GAMT: variants seen among roughly 807,000 people sequenced by gnomAD.
GAMT encodes epididymis secretory protein Li 20.
In GAMT, 26 loss-of-function variants were observed where a neutral mutation model predicts 26.9. That is an observed-to-expected ratio of 0.97 (90% CI 0.71 to 1.34). The LOEUF (loss-of-function observed/expected upper bound fraction) is 1.34, where lower values mean the gene tolerates loss of function less well. Among genes scored for constraint, GAMT ranks in the 40% most tolerant of loss-of-function variants. The pLI, the probability that GAMT is intolerant of heterozygous loss-of-function variation, is 0.00. For missense variants in GAMT, 412 were observed against 345.0 expected (o/e 1.19, Z -1.54); for synonymous variants, 169 against 149.6 (o/e 1.13, Z -0.95).
chr19:1,398,921 A>G lies in GAMT; in HGVS notation c.565T>C (p.Phe189Leu). Residue 189 changes from phenylalanine to leucine, a missense_variant, in exon 5 of 6, where the codon TTT becomes CTT. Phe to Leu is a conservative substitution (Grantham distance 22). Coordinates refer to ENST00000252288, the MANE Select transcript of GAMT (RefSeq NM_000156.6). ...KSKYSDITIM[F>L]EETQVPALLE... The stretch of plus-strand genomic sequence containing the variant: ...GGAACTTCAGGTGGGCGCACCTCAA[A>G]CATGATGGTGATGTCTGAGTACTTG... 1.2e-6 allele frequency: 2 copies of G among 1,613,324 alleles called. No homozygotes were observed. Among genetic ancestry groups the G allele is most frequent in the Non-Finnish European group, 1.7e-6 (2 of 1,180,014 alleles).
intron 5 of GAMT, among the ~76,000 whole-genome samples, 158 bp from the exon 6 acceptor site, chr19:1,397,657 G>A (rs777678657): frequency 1.1e-4 from 17 of 152,338 alleles, no homozygotes; most frequent in Non-Finnish European, 2.4e-4. Context: ...AAGCCCAGGT[G>A]TGAACGGGAA....
At position 1,399,898 on chromosome 19, in the gene GAMT, T is replaced by C. The variant is rs1178693014; in HGVS notation, c.222A>G (p.Ala74=). 2 of 1,608,786 alleles carry C rather than the reference T, an allele frequency of 1.2e-6. No homozygotes were observed. Among genetic ancestry groups the C allele is most frequent in the Admixed American group, 3.4e-5 (2 of 59,564 alleles). The change falls in exon 2 of 6, where the codon GCA becomes GCG. Residue 74 remains alanine (A), a synonymous_variant. Coordinates refer to ENST00000252288, the MANE Select transcript of GAMT (RefSeq NM_000156.6). The surrounding 1 kb of genome is among the most constrained non-coding windows in gnomAD (Gnocchi z 6.2). ...TGGGCGCCTCCTGCACCTTTGACGCTGCGATGGCCATGCCAAAGCCCACCT... is the reference window on the plus strand; with the variant it reads ...TGGGCGCCTCCTGCACCTTTGACGCCGCGATGGCCATGCCAAAGCCCACCT... ...VLEVGFGMAI[A]ASKVQEAPID...
chr19:1,397,546 C>G, intron 5 of GAMT, 47 bp from the exon 6 acceptor site: 1 of 1,595,840 alleles, frequency 6.3e-7, no homozygotes, highest in Admixed American at 1.7e-5. Context: ...ATGGGGGTCA[C>G]GTGCACCCTG....
chr19:1,397,118 G>C lies in GAMT; in HGVS notation c.*241C>G. 3.7e-6 allele frequency: 2 copies of C among 544,822 alleles called. No homozygotes were observed. Among genetic ancestry groups the C allele is most frequent in the South Asian group, 4.9e-5 (2 of 40,928 alleles). 33.7% of individuals were successfully genotyped at this position (544,822 alleles called of 1,614,324 possible). ...TGCCGACTGGCCAAGCCCAGCGCCG[G>C]CGTTTACTTCACCTCAGGGACCCTG... On this transcript the variant is annotated 3_prime_UTR_variant, in exon 6 of 6. Coordinates refer to ENST00000252288, the MANE Select transcript of GAMT (RefSeq NM_000156.6).
intron 1 of GAMT, among the ~76,000 whole-genome samples, chr19:1,400,850 C>A (rs2082629703): frequency 6.6e-6 from 1 of 152,218 alleles, no homozygotes; most frequent in South Asian, 2.1e-4. Flanking sequence ...CCAGGGCCAC[C>A]CCGGGGACAG....
At position 1,397,281 on chromosome 19, in the gene GAMT, G is replaced by A; in HGVS notation, c.*78C>T. On this transcript the variant is annotated 3_prime_UTR_variant, in exon 6 of 6. Transcript: ENST00000252288. ...GTGACACACAGCTGGGATCAGCCCA[G>A]GGCTGGTGCGACACCCTGGACTCCC... The A allele has an allele frequency of 6.6e-7, 1 of 1,510,024 alleles. No individual in the cohort carries two copies. Among genetic ancestry groups the A allele is most frequent in the Non-Finnish European group, 8.9e-7 (1 of 1,118,870 alleles). The allele number at this position is 1,510,024 out of a possible 1,614,324, so 93.5% of individuals were successfully genotyped here. A position where few individuals can be genotyped will look rare whatever the true frequency, so the allele number is the denominator to read the frequency against.
rs767887772 is a variant in GAMT, at chr19:1,397,447, C to T, written c.623G>A (p.Arg208His). 42 of 1,610,162 alleles carry T rather than the reference C, an allele frequency of 2.6e-5. No individual in the cohort carries two copies. The highest frequency in any genetic ancestry group is 1.1e-4 in the East Asian group (5 of 44,894). ...LEAGFRRENI[R>H]TEVMALVPPA... is the part of the protein sequence containing the mutation. ...TGGGACCAGCGCCATCACCTCCGTA[C>T]GGATGTTCTCCCTCCGGAAGCCGGC... The change falls in exon 6 of 6, where the codon CGT becomes CAT. Residue 208 changes from arginine (R) to histidine (H), a missense_variant. By Grantham distance (29) the Arg-to-His change is conservative. Coordinates refer to ENST00000252288, the MANE Select transcript of GAMT (RefSeq NM_000156.6).
chr19:1,397,242 C>T lies in GAMT; in HGVS notation c.*117G>A, dbSNP rs1285887474. On this transcript the variant is annotated 3_prime_UTR_variant, in exon 6 of 6. Transcript: ENST00000252288. Reference sequence around the variant, plus strand: ...CTGGTGGGACCCCTCACAGAGAAGCCGGGAAAGCTTCTGGTGACACACAGC... The same window carrying T: ...CTGGTGGGACCCCTCACAGAGAAGCTGGGAAAGCTTCTGGTGACACACAGC... 1.7e-5 allele frequency: 22 copies of T among 1,272,590 alleles called. No homozygotes were observed. Among genetic ancestry groups the T allele is most frequent in the Admixed American group, 4.1e-5 (2 of 48,614 alleles). 78.8% of individuals were successfully genotyped at this position (1,272,590 alleles called of 1,614,324 possible).
At position 1,397,599 on chromosome 19, in the gene GAMT, C is replaced by G. The variant is rs756114965; in HGVS notation, c.571-100G>C. ...AAGAGTGTTTACAGATGGCAAGGCC[C>G]GGGTGGGCGGCTGCAGCTCCCGTGG... On this transcript the variant is annotated intron_variant, in intron 5 of 5. Transcript: ENST00000252288. 13 of 1,543,034 alleles carry G rather than the reference C, an allele frequency of 8.4e-6. No individual in the cohort carries two copies. In the Middle Eastern group the frequency reaches 1.4e-3, roughly 164 times the overall value.
rs770321207 is a variant in GAMT, at chr19:1,397,360, C to G, written c.710G>C (p.Ter237SerextTer43). The G allele has an allele frequency of 4.3e-6, 7 of 1,610,504 alleles. No homozygotes were observed. Among genetic ancestry groups the G allele is most frequent in the Non-Finnish European group, 4.2e-6 (5 of 1,179,330 alleles). The change falls in exon 6 of 6, where the codon TGA (stop) becomes TCA (serine). Residue 237 changes from the stop codon to serine (S), a stop_lost. Coordinates refer to ENST00000252288, the MANE Select transcript of GAMT (RefSeq NM_000156.6). ...GTGTGGCCGGGCCGGGGTGGGGGCTCAGCCTTTGGTCACCAGGGGCGTGAT... is the reference window on the plus strand; with the variant it reads ...GTGTGGCCGGGCCGGGGTGGGGGCTGAGCCTTTGGTCACCAGGGGCGTGAT... ...QMITPLVTKG[*>S] is the part of the protein sequence containing the mutation.
chr19:1,399,439 A>G lies in GAMT; in HGVS notation c.391+85T>C, dbSNP rs891867914. 2 of 1,297,338 alleles carry G rather than the reference A, an allele frequency of 1.5e-6. No individual in the cohort carries two copies. Among genetic ancestry groups the G allele is most frequent in the African/African-American group, 2.9e-5 (2 of 67,966 alleles). The allele number at this position is 1,297,338 out of a possible 1,614,324, so 80.4% of individuals were successfully genotyped here. On this transcript the variant is annotated intron_variant, in intron 3 of 5. Transcript: ENST00000252288. This position sits in a 1 kb window ranked among gnomAD's most constrained non-coding sequence, Gnocchi z 6.2. ...CACTTGGGCTCTGTCCCCCCAGTGC[A>G]CATCAGAGGGACCCCCACAAGCAAA...
intron 5 of GAMT, chr19:1,397,933 T>C: frequency 9.3e-7 from 1 of 1,073,222 alleles, no homozygotes; most frequent in Non-Finnish European, 1.1e-6. Flanking sequence ...ATAGGCCGCC[T>C]CCACCAGGCA....
In GAMT at chr19:1,399,975, G is replaced by T; in HGVS notation, c.182-37C>A. Reference sequence around the variant, plus strand: ...CAGGGCGCCTGGCATCACTAGGTGGGGCGGGCTTAGGAGGCTGCCTGGAGG... The same window carrying T: ...CAGGGCGCCTGGCATCACTAGGTGGTGCGGGCTTAGGAGGCTGCCTGGAGG... On this transcript the variant is annotated intron_variant, in intron 1 of 5. Coordinates refer to ENST00000252288, the MANE Select transcript of GAMT (RefSeq NM_000156.6). This position sits in a 1 kb window ranked among gnomAD's most constrained non-coding sequence, Gnocchi z 6.2. 6.3e-7 allele frequency: 1 copy of T among 1,578,830 alleles called. No homozygotes were observed. Among genetic ancestry groups the T allele is most frequent in the South Asian group, 1.1e-5 (1 of 87,202 alleles).
Position 1,401,289 on chromosome 19 carries a change from G to T in GAMT, c.181+7C>A. 6.7e-7 allele frequency: 1 copy of T among 1,491,770 alleles called. No homozygotes were observed. The allele number at this position is 1,491,770 out of a possible 1,614,324, so 92.4% of individuals were successfully genotyped here. On this transcript the variant is annotated splice_region_variant and intron_variant, in intron 1 of 5. Transcript: ENST00000252288. ...CCCGGGGGCGGTGCAGGCCGGGCGG[G>T]GGCTACCTTTGGAGGAGGCGGCGGC...
At chr19:1,400,053 G>A in intron 1 of GAMT, 115 bp from the exon 2 acceptor site, 1 of 1,271,436 alleles carries the variant, frequency 7.9e-7, no homozygotes, top group African/African-American at 1.5e-5. Flanking sequence ...AGGGGGCGCA[G>A]GGCTGGGCTG....
chr19:1,401,151 T>C, intron 1 of GAMT, 145 bp downstream of exon 1: 2 of 670,840 alleles, frequency 3.0e-6, no homozygotes, highest in Non-Finnish European at 4.4e-6. Flanking sequence ...CGCCTCCGTG[T>C]GCCCCCACCT....
In GAMT at chr19:1,399,174, G is replaced by A; in HGVS notation, c.413C>T (p.Pro138Leu). The change falls in exon 4 of 6, where the codon CCA (proline) becomes CTA (leucine). Residue 138 changes from proline (P) to leucine (L), a missense_variant. Pro to Leu is a moderately conservative substitution (Grantham distance 98). Coordinates refer to ENST00000252288, the MANE Select transcript of GAMT (RefSeq NM_000156.6). The surrounding 1 kb of genome is among the most constrained non-coding windows in gnomAD (Gnocchi z 6.2). The part of the protein sequence containing the change: ...HFDGILYDTY[P>L]LSEETWHTHQ... ...TGTGTGCCAGGTCTCCTCCGAGAGT[G>A]GGTACGTGTCGTACAGGATCCCTGC... 1 of 1,613,708 alleles carries A rather than the reference G, an allele frequency of 6.2e-7. No individual in the cohort carries two copies. Among genetic ancestry groups the A allele is most frequent in the African/African-American group, 1.3e-5 (1 of 75,048 alleles).
At chr19:1,398,780 G>A (rs1386891101) in intron 5 of GAMT, 136 bp downstream of exon 5, 23 of 1,551,408 alleles carry the variant, frequency 1.5e-5, no homozygotes, top group Non-Finnish European at 1.9e-5. Context: ...ATTTCTAAAT[G>A]AACCAGCACA....
At chr19:1,397,944 G>A in intron 5 of GAMT, 6 of 1,073,238 alleles carry the variant, frequency 5.6e-6, no homozygotes, top group Non-Finnish European at 6.8e-6. Context: ...CCACCAGGCA[G>A]AGGGAACAGC....
Sources: gnomAD v4.1 joint callset for allele counts (sites outside exome capture counted in the v4.1 genomes callset) on GRCh38, gnomAD v4.1.1 for gene constraint, Gnocchi (gnomAD v3.1) non-coding constraint, MANE v1.5 for transcripts, NCBI Gene and HGNC (gene_info 2026-07-23, HGNC 2026-07-21) for gene names.